The following FHAD1 variants were observed in gnomAD, a reference collection of about 807,000 sequenced individuals.
FHAD1 encodes forkhead-associated domain-containing protein 1.
Under a neutral mutation model 191.3 loss-of-function variants are expected in FHAD1, and 146 were observed. The observed-to-expected ratio is 0.76, with a 90% confidence interval of 0.67 to 0.88. The LOEUF is 0.88. Among genes scored for constraint, FHAD1 ranks in the 40% least tolerant of loss-of-function variants. The probability of loss-of-function intolerance (pLI) is 0.00; values close to 1 mark genes in which losing one functional copy is unlikely to be tolerated. For synonymous variants in FHAD1, 616 were observed against 672.3 expected (o/e 0.92, Z 1.29); for missense variants, 1,635 against 1,785.8 (o/e 0.92, Z 1.52).
intron 10 of FHAD1, among the ~76,000 whole-genome samples, 152 bp from the exon 11 acceptor site, chr1:15,324,300 A>C (rs1574343366): frequency 6.6e-6 from 1 of 150,586 alleles, no homozygotes; most frequent in Non-Finnish European, 1.5e-5. Context: ...GCCTGGCTCC[A>C]CCCCGCGCAC....
At chr1:15,340,415 T>C (rs74057310) in intron 15 of FHAD1, among the ~76,000 whole-genome samples, 2,112 of 152,310 alleles carry the variant, frequency 0.014, 57 homozygotes, top group African/African-American at 0.048. Context: ...GGGTGTTAGC[T>C]GGCCTTTGGT....
At chr1:15,349,431 G>A in intron 19 of FHAD1, among the ~76,000 whole-genome samples, 1 of 152,200 alleles carries the variant, frequency 6.6e-6, no homozygotes, top group East Asian at 1.9e-4. Flanking sequence ...AGGGCCCTCG[G>A]GAAGATTTTT....
chr1:15,349,399 A>G (rs1690043510), intron 19 of FHAD1, among the ~76,000 whole-genome samples: 1 of 152,218 alleles, frequency 6.6e-6, no homozygotes, highest in Non-Finnish European at 1.5e-5. Context: ...TCAAGTACAT[A>G]GGACTGCACC....
At chr1:15,341,921 G>A in intron 16 of FHAD1, 33 bp downstream of exon 16, 3 of 1,535,870 alleles carry the variant, frequency 2.0e-6, no homozygotes, top group East Asian at 2.5e-5. Context: ...CTTTACTACT[G>A]GAAACTGATG....
intron 14 of FHAD1, among the ~76,000 whole-genome samples, chr1:15,331,373 C>T (rs892156213): frequency 4.1e-5 from 6 of 146,758 alleles, no homozygotes; most frequent in African/African-American, 1.3e-4. Context: ...GATGGATGGA[C>T]GGACGGATGG....
At chr1:15,292,581 C>G (rs116441595) in intron 4 of FHAD1, among the ~76,000 whole-genome samples, 8 of 152,290 alleles carry the variant, frequency 5.3e-5, no homozygotes, top group Non-Finnish European at 7.4e-5. Flanking sequence ...GTGATCCACC[C>G]GCCTTTAAAG....
intron 1 of FHAD1, among the ~76,000 whole-genome samples, chr1:15,240,661 A>C (rs1169100079): frequency 1.3e-5 from 2 of 150,796 alleles, no homozygotes; most frequent in African/African-American, 4.9e-5. Context: ...AGAAAAAGAA[A>C]AAAGAAAGCA....
At chr1:15,358,495 C>T (rs1469496640) in intron 21 of FHAD1, among the ~76,000 whole-genome samples, 2 of 152,240 alleles carry the variant, frequency 1.3e-5, no homozygotes, top group Admixed American at 6.5e-5. Context: ...GGAGCCCTCT[C>T]CCCACAGTCG....
In FHAD1 at chr1:15,380,692, T is replaced by A. The variant is rs1242549438; in HGVS notation, c.3706-9T>A. 1 of 1,550,754 alleles carries A rather than the reference T, an allele frequency of 6.4e-7. No individual in the cohort carries two copies. The highest frequency in any genetic ancestry group is 8.7e-7 in the Non-Finnish European group (1 of 1,146,134). On this transcript the variant is annotated splice_polypyrimidine_tract_variant and intron_variant, in intron 28 of 33. Coordinates refer to ENST00000688493, the MANE Select transcript of FHAD1 (RefSeq NM_001391957.1). ...TCAAGAGAGGCCTTTCATTTCTTTC[T>A]GATTTCAGCCTCAGAATGGCCTTTG... is the stretch of plus-strand genomic sequence containing the variant.
intron 18 of FHAD1, among the ~76,000 whole-genome samples, chr1:15,347,606 C>T (rs1182758784): frequency 1.3e-5 from 2 of 152,326 alleles, no homozygotes; most frequent in East Asian, 3.9e-4. Context: ...CACCACCATG[C>T]CTGGCTAATT....
At chr1:15,297,076 T>G (rs1219639266) in intron 5 of FHAD1, among the ~76,000 whole-genome samples, 1 of 152,236 alleles carries the variant, frequency 6.6e-6, no homozygotes, top group East Asian at 1.9e-4. Flanking sequence ...TAAATCACCA[T>G]CACTTAACAA....
intron 5 of FHAD1, among the ~76,000 whole-genome samples, chr1:15,299,005 C>CA (rs58304783): frequency 0.016 from 1,963 of 125,590 alleles, 36 homozygotes; most frequent in East Asian, 0.11. Flanking sequence ...TCGATTTCTG[C>CA]AAAAAAAAAA....
chr1:15,290,637 C>T (rs1664272233), intron 4 of FHAD1, among the ~76,000 whole-genome samples: 1 of 152,098 alleles, frequency 6.6e-6, no homozygotes, highest in Admixed American at 6.6e-5. Flanking sequence ...CCACCACATA[C>T]CTACCACCCA....
intron 18 of FHAD1, among the ~76,000 whole-genome samples, chr1:15,347,773 C>T (rs2479082): frequency 0.023 from 3,538 of 152,314 alleles, 150 homozygotes; most frequent in African/African-American, 0.081. Context: ...TTAGATCTTC[C>T]GCCACATCAT....
chr1:15,381,960 G>T lies in FHAD1; in HGVS notation c.4023-68G>T, dbSNP rs1165423924. ...TGGATGTATTTTGAGAGACTTCCGG[G>T]TCTGGCACATTGATGATGATTGGGA... On this transcript the variant is annotated intron_variant, in intron 30 of 33. Coordinates refer to ENST00000688493, the MANE Select transcript of FHAD1 (RefSeq NM_001391957.1). The surrounding 1 kb of genome is among the most constrained non-coding windows in gnomAD (Gnocchi z 4.6). The T allele has an allele frequency of 1.3e-6, 2 of 1,515,576 alleles. No individual in the cohort carries two copies. The highest frequency in any genetic ancestry group is 1.4e-5 in the African/African-American group (1 of 72,058). The allele number at this position is 1,515,576 out of a possible 1,614,324, so 93.9% of individuals were successfully genotyped here.
At chr1:15,391,791 A>T (rs546895415) in intron 33 of FHAD1, among the ~76,000 whole-genome samples, 50 of 152,332 alleles carry the variant, frequency 3.3e-4, no homozygotes, top group African/African-American at 1.2e-3. Flanking sequence ...AACTGACACC[A>T]TTGTCCTAGG....
At chr1:15,359,847 G>A (rs1694123830) in intron 21 of FHAD1, among the ~76,000 whole-genome samples, 1 of 152,210 alleles carries the variant, frequency 6.6e-6, no homozygotes, top group Admixed American at 6.5e-5. Flanking sequence ...CTACTCAGGA[G>A]GCTGAGGCAG....
intron 21 of FHAD1, among the ~76,000 whole-genome samples, chr1:15,358,612 G>T (rs1693623899): frequency 6.6e-6 from 1 of 152,224 alleles, no homozygotes; most frequent in Admixed American, 6.5e-5. Flanking sequence ...TGCCCTCTCT[G>T]CACGGTGTTC....
At chr1:15,284,681 G>T (rs987073628) in intron 3 of FHAD1, among the ~76,000 whole-genome samples, 8 of 152,064 alleles carry the variant, frequency 5.3e-5, no homozygotes. Context: ...AGATGTTAGC[G>T]TAATAACACA....
Sources: allele counts gnomAD v4.1 joint callset (sites outside exome capture counted in the v4.1 genomes callset), GRCh38; gene constraint gnomAD v4.1.1; non-coding constraint Gnocchi (gnomAD v3.1); transcripts MANE v1.5; gene names NCBI Gene and HGNC (gene_info 2026-07-23, HGNC 2026-07-21).